The following ETV6 variants were observed in gnomAD, a reference collection of about 807,000 sequenced individuals.
ETV6 encodes the protein transcription factor ETV6.
A neutral mutation model predicts 51.1 loss-of-function variants in ETV6; 16 were observed. The ratio of observed to expected loss-of-function variants is 0.31; its 90% CI spans 0.21 to 0.48. The LOEUF is 0.48. Ranked by LOEUF, ETV6 falls within the 20% of genes least tolerant of loss-of-function variation. ETV6 has a pLI of 0.99. For missense variants in ETV6, 458 were observed against 594.8 expected, an observed-to-expected ratio of 0.77 and a Z score of 2.39; for synonymous variants, 240 against 224.1, an observed-to-expected ratio of 1.07 and a Z score of -0.64.
intron 1 of ETV6, among the ~76,000 whole-genome samples, chr12:11,712,970 C>G (rs1227083813): frequency 6.6e-6 from 1 of 152,198 alleles, no homozygotes; most frequent in Non-Finnish European, 1.5e-5. Flanking sequence ...TCTCTCCTCA[C>G]TGTTACCCTT....
intron 1 of ETV6, among the ~76,000 whole-genome samples, chr12:11,718,531 C>T (rs1185926614): frequency 2.0e-5 from 3 of 149,690 alleles, no homozygotes; most frequent in East Asian, 2.0e-4. Flanking sequence ...TTTGGGAGGA[C>T]GAGGCAGGCG....
intron 2 of ETV6, among the ~76,000 whole-genome samples, chr12:11,790,291 T>C (rs1945562253): frequency 6.6e-6 from 1 of 152,180 alleles, no homozygotes; most frequent in African/African-American, 2.4e-5. Context: ...TTTGTTTTGC[T>C]GTCTGCCTTC....
At position 11,703,274 on chromosome 12, in the gene ETV6, A is replaced by G. The variant is rs566696564; in HGVS notation, c.34-49176A>G. On this transcript the variant is annotated intron_variant, in intron 1 of 7. Transcript: ENST00000396373. ...AATATACTAAAAATAATGAGTTTCA[A>G]AGAAAATCATCTTTTGTTAACCTTT... Among the ~76,000 whole-genome samples, 4 of 150,776 alleles carry G rather than the reference A, an allele frequency of 2.7e-5. No homozygotes were observed. In the Admixed American group the frequency reaches 2.7e-4, roughly 10 times the overall value.
chr12:11,735,261 C>A (rs981481153), intron 1 of ETV6, among the ~76,000 whole-genome samples: 2 of 152,018 alleles, frequency 1.3e-5, no homozygotes, highest in African/African-American at 2.4e-5. Context: ...AAAGTACCTC[C>A]CAGGATAGAA....
chr12:11,809,969 A>G (rs1327974814), intron 2 of ETV6, among the ~76,000 whole-genome samples: 1 of 151,786 alleles, frequency 6.6e-6, no homozygotes, highest in Admixed American at 6.6e-5. Context: ...ACAGGCACGC[A>G]CCACAACGCC....
At chr12:11,783,745 G>A (rs188360606) in intron 2 of ETV6, among the ~76,000 whole-genome samples, 11 of 152,296 alleles carry the variant, frequency 7.2e-5, no homozygotes, top group African/African-American at 2.6e-4. Flanking sequence ...TGAAATCAGA[G>A]GAAAGGTGTG....
At chr12:11,652,150 T>C (rs1863918313) in intron 1 of ETV6, among the ~76,000 whole-genome samples, 2 of 152,252 alleles carry the variant, frequency 1.3e-5, no homozygotes, top group South Asian at 4.1e-4. Flanking sequence ...TTCTATGTAA[T>C]TAAAATAGAT....
chr12:11,668,453 A>G (rs1864239029), intron 1 of ETV6, among the ~76,000 whole-genome samples: 1 of 151,286 alleles, frequency 6.6e-6, no homozygotes, highest in South Asian at 2.1e-4. Flanking sequence ...ATGCCGTTAT[A>G]TTCTAACAAA....
chr12:11,771,188 C>T (rs1229786411), intron 2 of ETV6, among the ~76,000 whole-genome samples: 1 of 152,182 alleles, frequency 6.6e-6, no homozygotes, highest in South Asian at 2.1e-4. Context: ...TAGTGCATTG[C>T]AGATATCAAT....
In ETV6 at chr12:11,853,505, C is replaced by T. The variant is rs1946587509; in HGVS notation, c.407C>T (p.Pro136Leu). The T allele has an allele frequency of 6.2e-7, 1 of 1,614,228 alleles. No individual in the cohort carries two copies. Among genetic ancestry groups the T allele is most frequent in the Non-Finnish European group, 8.5e-7 (1 of 1,180,034 alleles). ...PRILFSPFFH[P>L]GNSIHTQPEV... ...ATTCTTTTTTCACCATTCTTCCACC[C>T]TGGAAACTCTATACACACACAGCCG... Residue 136 changes from proline (P) to leucine (L), a missense_variant, in exon 4 of 8, where the codon CCT (proline) becomes CTT (leucine). Physicochemically the swap from Pro to Leu is moderately conservative, Grantham distance 98 (BLOSUM62 -3). Around this residue, in one of 4 missense-constraint regions of ETV6, gnomAD observed 293 missense variants for 315.7 expected, o/e 0.93. Transcript: ENST00000396373.
chr12:11,674,992 G>T (rs2541120), intron 1 of ETV6, among the ~76,000 whole-genome samples: 3,480 of 152,288 alleles, frequency 0.023, 121 homozygotes, highest in African/African-American at 0.079. Context: ...TGCATCATGG[G>T]CTGTGAAGGT....
chr12:11,828,560 C>CT (rs1281248144), intron 2 of ETV6, among the ~76,000 whole-genome samples: 2 of 152,048 alleles, frequency 1.3e-5, no homozygotes, highest in African/African-American at 4.8e-5. Context: ...ATACACGAGA[C>CT]TAAAAAAAAT....
At chr12:11,739,107 G>T (rs1277387471) in intron 1 of ETV6, among the ~76,000 whole-genome samples, 1 of 152,132 alleles carries the variant, frequency 6.6e-6, no homozygotes, top group Non-Finnish European at 1.5e-5. Context: ...GACTTAATTT[G>T]ATGGAGCCTA....
intron 2 of ETV6, among the ~76,000 whole-genome samples, chr12:11,835,660 A>G (rs1051665584): frequency 4.6e-5 from 7 of 152,224 alleles, no homozygotes; most frequent in Non-Finnish European, 7.3e-5. Context: ...CCAGGGATCT[A>G]CAGATTTTTT....
chr12:11,731,944 A>G (rs1373622563), intron 1 of ETV6, among the ~76,000 whole-genome samples: 2 of 152,156 alleles, frequency 1.3e-5, no homozygotes, highest in Non-Finnish European at 2.9e-5. Context: ...CAGTTTTAGT[A>G]CTGAAAACCC....
chr12:11,681,782 C>T (rs1269153453), intron 1 of ETV6, among the ~76,000 whole-genome samples: 2 of 152,178 alleles, frequency 1.3e-5, no homozygotes, highest in Non-Finnish European at 2.9e-5. Context: ...CATGTGTTCT[C>T]ATGTTCAACT....
At chr12:11,733,627 C>T (rs1038043196) in intron 1 of ETV6, among the ~76,000 whole-genome samples, 5 of 152,066 alleles carry the variant, frequency 3.3e-5, no homozygotes, top group African/African-American at 9.7e-5. Flanking sequence ...TGACAACTCA[C>T]ACTAGGCCAT....
intron 1 of ETV6, among the ~76,000 whole-genome samples, chr12:11,684,455 T>G (rs757708307): frequency 1.3e-5 from 2 of 152,248 alleles, no homozygotes; most frequent in Non-Finnish European, 2.9e-5. Context: ...CCTGTTTCAT[T>G]TTTACATTCA....
chr12:11,726,664 G>A (rs572927838), intron 1 of ETV6, among the ~76,000 whole-genome samples: 4 of 151,754 alleles, frequency 2.6e-5, no homozygotes, highest in African/African-American at 9.7e-5. Flanking sequence ...CAGCTACTTG[G>A]GAGGCTGAGG....
Sources: allele counts gnomAD v4.1 joint callset (sites outside exome capture counted in the v4.1 genomes callset), GRCh38; gene constraint gnomAD v4.1.1; regional missense constraint gnomAD v4.1.1; transcripts MANE v1.5; gene names NCBI Gene and HGNC (gene_info 2026-07-23, HGNC 2026-07-21).